NBAS: variants seen among roughly 807,000 people sequenced by gnomAD.
The protein encoded by NBAS is NBAS subunit of NRZ tethering complex, also known as NAG/BC035112 fusion.
NBAS carries 219 observed loss-of-function variants against 302.5 expected under a neutral mutation model. The observed-to-expected ratio is 0.72, with a 90% CI of 0.65 to 0.81. The LOEUF (loss-of-function observed/expected upper bound fraction) is 0.81. Ranked by LOEUF, NBAS falls within the 30% of genes least tolerant of loss-of-function variation. NBAS has a pLI of 0.00. For synonymous variants in NBAS, 1,118 were observed against 1,021.6 expected (o/e 1.09, Z -1.80); for missense variants, 2,932 against 2,841.6 (o/e 1.03, Z -0.72).
At chr2:15,473,760 A>G (rs919354410) in intron 15 of NBAS, among the ~76,000 whole-genome samples, 9 of 152,278 alleles carry the variant, frequency 5.9e-5, no homozygotes, top group African/African-American at 1.9e-4. Context: ...CCCTCTGTAG[A>G]TGGCTGATTT....
chr2:15,271,662 G>T (rs1669331388), intron 44 of NBAS, among the ~76,000 whole-genome samples: 1 of 152,176 alleles, frequency 6.6e-6, no homozygotes, highest in South Asian at 2.1e-4. Flanking sequence ...ATTTATCTAT[G>T]GATGTAGCAG....
At position 15,542,070 on chromosome 2, in the gene NBAS, G is replaced by A. The variant is rs1247346544; in HGVS notation, c.380-2714C>T. On this transcript the variant is annotated intron_variant, in intron 6 of 51. Coordinates refer to ENST00000281513, the MANE Select transcript of NBAS (RefSeq NM_015909.4). Reference sequence around the variant, plus strand: ...AGGTGAGGGGCGCCTCTGCCCGGCCGCCCCTACTGGGAAGTGAGGAGCCCC... The same window carrying A: ...AGGTGAGGGGCGCCTCTGCCCGGCCACCCCTACTGGGAAGTGAGGAGCCCC... Among the ~76,000 whole-genome samples the A allele has an allele frequency of 8.4e-5, 7 of 83,674 alleles. 2 individuals are homozygous for A. Among genetic ancestry groups the A allele is most frequent in the Admixed American group, 2.4e-4 (2 of 8,470 alleles). The allele number at this position is 83,674 out of a possible 152,430, so 54.9% of individuals were successfully genotyped here. A position where few individuals can be genotyped will look rare whatever the true frequency, so the allele number is the denominator to read the frequency against.
At chr2:15,305,380 C>T (rs754671927) in intron 40 of NBAS, among the ~76,000 whole-genome samples, 3 of 151,954 alleles carry the variant, frequency 2.0e-5, no homozygotes, top group Admixed American at 6.6e-5. Context: ...GAGGCCTCCC[C>T]AGCCATGCTC....
chr2:15,339,047 A>C (rs1269505846), intron 35 of NBAS, among the ~76,000 whole-genome samples: 2 of 152,028 alleles, frequency 1.3e-5, no homozygotes, highest in Non-Finnish European at 2.9e-5. Flanking sequence ...TATTAAGCAT[A>C]CTATTTCAGG....
chr2:15,317,055 G>T (rs35459643), intron 38 of NBAS, among the ~76,000 whole-genome samples: 35,049 of 152,090 alleles, frequency 0.23, 4,436 homozygotes, highest in Middle Eastern at 0.37. Flanking sequence ...TATTCGCTGT[G>T]CTGCAATATT....
rs76821740 is a variant in NBAS at position 15,292,916 on chromosome 2, T to C, written c.4798-150A>G. Reference sequence around the variant, plus strand: ...TAAGGCTCACAACGGCCCTGAAAAGTCAGTTGCAGAAGTGGCACTTTACCC... The same window carrying C: ...TAAGGCTCACAACGGCCCTGAAAAGCCAGTTGCAGAAGTGGCACTTTACCC... On this transcript the variant is annotated intron_variant, in intron 40 of 51. Coordinates refer to ENST00000281513, the MANE Select transcript of NBAS (RefSeq NM_015909.4). 2.8e-3 allele frequency: 2,202 copies of C among 800,594 alleles called. 31 individuals are homozygous for C. In the African/African-American group the frequency reaches 0.033, roughly 12 times the overall value. The allele number at this position is 800,594 out of a possible 1,614,324, so 49.6% of individuals were successfully genotyped here.
chr2:15,245,581 A>T (rs955972717), intron 44 of NBAS, among the ~76,000 whole-genome samples: 1 of 151,686 alleles, frequency 6.6e-6, no homozygotes, highest in Non-Finnish European at 1.5e-5. Context: ...TGGCTCATAC[A>T]TAACAAATGC....
At chr2:15,155,021 G>C in the NBAS span, among the ~76,000 whole-genome samples, 1 of 152,202 alleles carries the variant, frequency 6.6e-6, no homozygotes, top group Non-Finnish European at 1.5e-5. Flanking sequence ...GCACTACCTA[G>C]CCAAAAAGCA....
chr2:14,887,978 C>A, the NBAS span, among the ~76,000 whole-genome samples: 1 of 152,108 alleles, frequency 6.6e-6, no homozygotes, highest in Non-Finnish European at 1.5e-5. Context: ...CCCATGAAAG[C>A]AACATCATGA....
chr2:15,230,458 G>A (rs1187748378), intron 47 of NBAS, among the ~76,000 whole-genome samples: 1 of 145,488 alleles, frequency 6.9e-6, no homozygotes, highest in Non-Finnish European at 1.5e-5. Context: ...GTTATTCTGT[G>A]TCTCTAGAAT....
intron 48 of NBAS, among the ~76,000 whole-genome samples, chr2:15,207,707 T>TC (rs945632355): frequency 2.0e-5 from 3 of 151,998 alleles, no homozygotes; most frequent in African/African-American, 7.3e-5. Context: ...GTCTGGTGCT[T>TC]CCCCCCTTCT....
At chr2:14,828,361 G>A in the NBAS span, among the ~76,000 whole-genome samples, 2 of 152,106 alleles carry the variant, frequency 1.3e-5, no homozygotes, top group African/African-American at 2.4e-5. Context: ...GTGATGAGAG[G>A]GAGCAGCCCA....
the NBAS span, among the ~76,000 whole-genome samples, chr2:15,090,425 G>C: frequency 1.3e-5 from 2 of 152,226 alleles, no homozygotes; most frequent in Non-Finnish European, 2.9e-5. Flanking sequence ...TATCTGTATA[G>C]GGGCCAGGTG....
At chr2:15,502,567 A>G (rs1023043097) in intron 11 of NBAS, among the ~76,000 whole-genome samples, 2 of 152,244 alleles carry the variant, frequency 1.3e-5, no homozygotes, top group African/African-American at 4.8e-5. Flanking sequence ...ACTGGAGCAC[A>G]ATGGTAAATA....
intron 47 of NBAS, among the ~76,000 whole-genome samples, chr2:15,228,267 T>A (rs1214646558): frequency 6.6e-6 from 1 of 152,128 alleles, no homozygotes; most frequent in Non-Finnish European, 1.5e-5. Flanking sequence ...ATGCTCGACA[T>A]CACTAATCAT....
intron 28 of NBAS, among the ~76,000 whole-genome samples, chr2:15,391,810 C>T (rs1297206413): frequency 1.3e-5 from 2 of 150,276 alleles, no homozygotes; most frequent in Admixed American, 6.6e-5. Context: ...TTAACTCTGA[C>T]AGCAGATTTC....
chr2:15,268,002 T>C (rs1291674374), intron 44 of NBAS, among the ~76,000 whole-genome samples: 1 of 152,220 alleles, frequency 6.6e-6, no homozygotes, highest in Non-Finnish European at 1.5e-5. Context: ...GATGTACTAT[T>C]ATAGTGCATA....
At chr2:15,446,981 GA>G (rs369114250) in intron 21 of NBAS, among the ~76,000 whole-genome samples, 3 of 149,770 alleles carry the variant, frequency 2.0e-5, no homozygotes, top group African/African-American at 4.9e-5. Context: ...AACAGAAAAA[GA>G]AAAAAAGGGA....
At chr2:15,053,109 T>C in the NBAS span, among the ~76,000 whole-genome samples, 1 of 152,208 alleles carries the variant, frequency 6.6e-6, no homozygotes, top group Admixed American at 6.5e-5. Flanking sequence ...AAAATGTCAA[T>C]AGTTTACAGT....
Sources: gnomAD v4.1 joint callset for allele counts (sites outside exome capture counted in the v4.1 genomes callset) on GRCh38, gnomAD v4.1.1 for gene constraint, MANE v1.5 for transcripts, NCBI Gene and HGNC (gene_info 2026-07-23, HGNC 2026-07-21) for gene names.